Variants in CTNNA3 observed in about 807,000 individuals in gnomAD.
CTNNA3 encodes the protein catenin alpha-3.
A neutral mutation model predicts 95.7 loss-of-function variants in CTNNA3; 76 were observed. That is an observed-to-expected ratio of 0.79 (90% CI 0.66 to 0.96). The LOEUF (loss-of-function observed/expected upper bound fraction) is 0.96, where lower values mean the gene tolerates loss of function less well. Among genes scored for constraint, CTNNA3 ranks in the 40% least tolerant of loss-of-function variants. CTNNA3 has a pLI of 0.00. For missense variants in CTNNA3, 1,191 were observed against 1,089.8 expected (o/e 1.09, Z -1.31); for synonymous variants, 431 against 374.4 (o/e 1.15, Z -1.74).
intron 9 of CTNNA3, among the ~76,000 whole-genome samples, chr10:66,633,540 T>A (rs866077812): frequency 6.6e-6 from 1 of 151,720 alleles, no homozygotes; most frequent in Non-Finnish European, 1.5e-5. Context: ...ATTAGCCGGG[T>A]GTGGTGGCGG....
At chr10:66,059,818 T>C (rs2080159527) in intron 15 of CTNNA3, among the ~76,000 whole-genome samples, 1 of 152,138 alleles carries the variant, frequency 6.6e-6, no homozygotes, top group South Asian at 2.1e-4. Flanking sequence ...TCTTGAAATA[T>C]ACAATTTCAT....
chr10:66,084,609 T>C lies in CTNNA3; in HGVS notation c.1978-15120A>G, dbSNP rs1034696003. ...GAAAAAAAATTCTTAGAAAAAGGAC[T>C]CATCTTGATTAGTTGAAAATGTTTT... On this transcript the variant is annotated intron_variant, in intron 14 of 17. Transcript: ENST00000433211. Among the ~76,000 whole-genome samples the C allele has an allele frequency of 1.6e-4, 25 of 152,282 alleles. 1 individual carries two copies. The highest frequency in any genetic ancestry group is 6.0e-4 in the African/African-American group (25 of 41,586).
chr10:66,295,194 T>G (rs925220291), intron 12 of CTNNA3, among the ~76,000 whole-genome samples: 9 of 152,202 alleles, frequency 5.9e-5, no homozygotes, highest in African/African-American at 2.2e-4. Context: ...ATTGACATTA[T>G]TATTACATTG....
At chr10:67,426,129 G>A (rs900159281) in intron 5 of CTNNA3, among the ~76,000 whole-genome samples, 1 of 152,016 alleles carries the variant, frequency 6.6e-6, no homozygotes, top group South Asian at 2.1e-4. Context: ...AAAAAACATA[G>A]AACAAATGAG....
chr10:66,956,815 C>T (rs1848813805), intron 7 of CTNNA3, among the ~76,000 whole-genome samples: 1 of 152,182 alleles, frequency 6.6e-6, no homozygotes, highest in Non-Finnish European at 1.5e-5. Context: ...GTGACAGGCT[C>T]AACAGTAACC....
chr10:66,329,582 A>G (rs901536495), intron 12 of CTNNA3, among the ~76,000 whole-genome samples: 2 of 132,566 alleles, frequency 1.5e-5, no homozygotes, highest in Non-Finnish European at 3.5e-5. Flanking sequence ...TTCAGGGAAA[A>G]AAAAAAAAAC....
intron 2 of CTNNA3, among the ~76,000 whole-genome samples, chr10:67,618,621 T>C (rs1475885410): frequency 6.6e-6 from 1 of 152,196 alleles, no homozygotes; most frequent in Admixed American, 6.5e-5. Flanking sequence ...GGAGAAAATA[T>C]ACATAGCTAC....
chr10:66,655,030 C>T (rs1024341748), intron 9 of CTNNA3, among the ~76,000 whole-genome samples: 1 of 151,902 alleles, frequency 6.6e-6, no homozygotes, highest in Non-Finnish European at 1.5e-5. Flanking sequence ...TTGTACAACC[C>T]GGTGAGTGGA....
At chr10:66,441,099 A>G (rs1458280128) in intron 11 of CTNNA3, among the ~76,000 whole-genome samples, 1 of 152,174 alleles carries the variant, frequency 6.6e-6, no homozygotes, top group Non-Finnish European at 1.5e-5. Flanking sequence ...CTGGGAGGCC[A>G]AGGTGGGAGC....
At chr10:66,926,652 T>C (rs1159622949) in intron 7 of CTNNA3, 1 of 1,554,056 alleles carries the variant, frequency 6.4e-7, no homozygotes, top group African/African-American at 1.4e-5. Context: ...CTAGTGTGTG[T>C]AATAATTCTG....
intron 13 of CTNNA3, among the ~76,000 whole-genome samples, chr10:66,226,906 T>G (rs2089317307): frequency 6.6e-6 from 1 of 152,166 alleles, no homozygotes; most frequent in Non-Finnish European, 1.5e-5. Context: ...GCTCATTTAT[T>G]GTGTATCCTG....
chr10:67,301,571 T>G (rs1355367687), intron 5 of CTNNA3, among the ~76,000 whole-genome samples: 1 of 152,196 alleles, frequency 6.6e-6, no homozygotes, highest in African/African-American at 2.4e-5. Context: ...AGCAGCATTA[T>G]TCACAATAGC....
intron 7 of CTNNA3, among the ~76,000 whole-genome samples, chr10:67,031,762 T>C (rs1210943510): frequency 1.3e-5 from 2 of 152,166 alleles, no homozygotes; most frequent in African/African-American, 2.4e-5. Context: ...ATCTAAGAAA[T>C]GAGTGAGAAT....
intron 16 of CTNNA3, among the ~76,000 whole-genome samples, chr10:65,985,229 T>A (rs2078404559): frequency 6.6e-6 from 1 of 151,130 alleles, no homozygotes; most frequent in African/African-American, 2.4e-5. Flanking sequence ...CCTAATACTA[T>A]TTAAGCAAGA....
chr10:66,053,223 AT>A (rs11339071), intron 15 of CTNNA3, among the ~76,000 whole-genome samples: 44,483 of 151,866 alleles, frequency 0.29, 7,019 homozygotes, highest in South Asian at 0.43. Flanking sequence ...TTGTTTTTAA[AT>A]ATCAGATTAA....
intron 11 of CTNNA3, among the ~76,000 whole-genome samples, chr10:66,458,239 C>T (rs1487269528): frequency 7.2e-5 from 11 of 152,056 alleles, no homozygotes; most frequent in African/African-American, 2.4e-4. Context: ...GGTGTATGAA[C>T]AAATTTTGGT....
At chr10:66,118,995 G>A (rs1272484914) in intron 13 of CTNNA3, among the ~76,000 whole-genome samples, 1 of 152,094 alleles carries the variant, frequency 6.6e-6, no homozygotes, top group Non-Finnish European at 1.5e-5. Context: ...TCCTGCCTCT[G>A]TCTCTCAAAA....
At chr10:67,424,773 G>A (rs906853066) in intron 5 of CTNNA3, among the ~76,000 whole-genome samples, 19 of 151,950 alleles carry the variant, frequency 1.3e-4, no homozygotes, top group Middle Eastern at 6.3e-3. Flanking sequence ...TAAATTGTAA[G>A]TTCCATGAAC....
At chr10:65,983,895 G>A (rs10996809) in intron 16 of CTNNA3, among the ~76,000 whole-genome samples, 12,877 of 151,180 alleles carry the variant, frequency 0.085, 733 homozygotes, top group Non-Finnish European at 0.12. Flanking sequence ...AAATAAAAAT[G>A]AAAAGGCCAA....
Sources: gnomAD v4.1 joint callset for allele counts (sites outside exome capture counted in the v4.1 genomes callset) on GRCh38, gnomAD v4.1.1 for gene constraint, MANE v1.5 for transcripts, NCBI Gene and HGNC (gene_info 2026-07-23, HGNC 2026-07-21) for gene names.